The following TAFA4 variants were observed in gnomAD, a reference collection of about 807,000 sequenced individuals.
The protein encoded by TAFA4 is chemokine-like protein TAFA-4.
In TAFA4, 20 loss-of-function variants were observed where a neutral mutation model predicts 21.1. That is an observed-to-expected ratio of 0.95 (90% CI 0.67 to 1.38). The LOEUF (loss-of-function observed/expected upper bound fraction) is 1.38, where lower values mean the gene tolerates loss of function less well. Ranked by LOEUF, TAFA4 falls within the 40% of genes most tolerant of loss-of-function variation. The pLI, the probability that TAFA4 is intolerant of heterozygous loss-of-function variation, is 0.00. For missense variants in TAFA4, 211 were observed against 180.9 expected, an observed-to-expected ratio of 1.17 and a Z score of -0.95; for synonymous variants, 71 against 67.4, an observed-to-expected ratio of 1.05 and a Z score of -0.26.
chr3:68,793,029 C>A (rs982272395), intron 3 of TAFA4, among the ~76,000 whole-genome samples: 5 of 152,086 alleles, frequency 3.3e-5, no homozygotes, highest in African/African-American at 1.2e-4. Flanking sequence ...CTCTTAATGG[C>A]AGGATTACAT....
At chr3:68,744,944 A>G (rs943818837) in intron 4 of TAFA4, among the ~76,000 whole-genome samples, 12 of 152,196 alleles carry the variant, frequency 7.9e-5, no homozygotes, top group Non-Finnish European at 7.3e-5. Flanking sequence ...GCAAATATAT[A>G]TATTTTCCCA....
chr3:68,750,349 G>A (rs1163919402), intron 4 of TAFA4, among the ~76,000 whole-genome samples: 1 of 152,154 alleles, frequency 6.6e-6, no homozygotes, highest in Non-Finnish European at 1.5e-5. Context: ...ATCCATACAT[G>A]GAATGCTATG....
chr3:68,858,385 G>A (rs192702209), intron 3 of TAFA4, among the ~76,000 whole-genome samples: 1 of 151,222 alleles, frequency 6.6e-6, no homozygotes, highest in Non-Finnish European at 1.5e-5. Flanking sequence ...CACCGTTAAC[G>A]CAGTGTACCT....
At chr3:68,785,465 G>A (rs35740552) in intron 3 of TAFA4, among the ~76,000 whole-genome samples, 4,350 of 152,326 alleles carry the variant, frequency 0.029, 261 homozygotes, top group East Asian at 0.25. Flanking sequence ...TGCCCCGCGC[G>A]GGAAGGCAGC....
chr3:68,849,790 T>G (rs1704899687), intron 3 of TAFA4, among the ~76,000 whole-genome samples: 1 of 152,306 alleles, frequency 6.6e-6, no homozygotes, highest in African/African-American at 2.4e-5. Context: ...ACATTGTATC[T>G]TACTCAGTTT....
intron 3 of TAFA4, among the ~76,000 whole-genome samples, chr3:68,780,321 A>G (rs1390712231): frequency 6.6e-6 from 1 of 152,194 alleles, no homozygotes; most frequent in Non-Finnish European, 1.5e-5. Flanking sequence ...GACTATTGGG[A>G]AGGCATGATT....
At chr3:68,906,334 T>G (rs1305900883) in intron 1 of TAFA4, among the ~76,000 whole-genome samples, 2 of 152,238 alleles carry the variant, frequency 1.3e-5, no homozygotes, top group African/African-American at 4.8e-5. Context: ...TGCTTTTTAC[T>G]TTCAATTATT....
chr3:68,762,959 A>G (rs145467377), intron 3 of TAFA4, among the ~76,000 whole-genome samples: 2 of 152,296 alleles, frequency 1.3e-5, no homozygotes, highest in African/African-American at 2.4e-5. Context: ...AGTCACTTCA[A>G]CCCAGGAGGT....
intron 3 of TAFA4, among the ~76,000 whole-genome samples, chr3:68,787,437 CAT>C (rs1703281125): frequency 6.6e-6 from 1 of 152,188 alleles, no homozygotes; most frequent in Non-Finnish European, 1.5e-5. Flanking sequence ...AGATAACAAT[CAT>C]AATTATATCA....
At chr3:68,746,003 ATC>A (rs1702449813) in intron 4 of TAFA4, among the ~76,000 whole-genome samples, 1 of 152,172 alleles carries the variant, frequency 6.6e-6, no homozygotes, top group Non-Finnish European at 1.5e-5. Context: ...GGTGGGCACT[ATC>A]TAATCACCTG....
chr3:68,858,550 G>A (rs538617735), intron 3 of TAFA4, among the ~76,000 whole-genome samples: 9 of 151,018 alleles, frequency 6.0e-5, no homozygotes, highest in African/African-American at 2.2e-4. Context: ...TGACAGGTTA[G>A]CATGTACTAG....
At position 68,910,644 on chromosome 3, in the gene TAFA4, C is replaced by T. The variant is rs542345107; in HGVS notation, c.-123+21596G>A. Among the ~76,000 whole-genome samples, 4 of 152,216 alleles carry T rather than the reference C, an allele frequency of 2.6e-5. No individual in the cohort carries two copies. The East Asian group carries it at 7.7e-4, about 29-fold the overall frequency. On this transcript the variant is annotated intron_variant, in intron 1 of 5. Coordinates refer to ENST00000295569, the MANE Select transcript of TAFA4 (RefSeq NM_182522.5). ...TTCATTTATTCAACAAATTTGAATG[C>T]CCAGACTTCTGCACGTAGACATTCC...
At chr3:68,882,453 C>G (rs2089629472) in intron 2 of TAFA4, among the ~76,000 whole-genome samples, 1 of 152,146 alleles carries the variant, frequency 6.6e-6, no homozygotes, top group Non-Finnish European at 1.5e-5. Context: ...ATGGGAGTAA[C>G]AGGCTGCCGT....
At position 68,896,823 on chromosome 3, in the gene TAFA4, GAACT is replaced by G. The variant is rs2089794561; in HGVS notation, c.-122-11517_-122-11514del. On this transcript the variant is annotated intron_variant, in intron 1 of 5. Coordinates refer to ENST00000295569, the MANE Select transcript of TAFA4 (RefSeq NM_182522.5). Reference sequence around the variant, plus strand: ...AACTACCATATGGGAGAAAACTACCGAACTAACTATAAGGTCCAAGTTTCAACAA... The same window carrying G: ...AACTACCATATGGGAGAAAACTACCGAACTATAAGGTCCAAGTTTCAACAA... Among the ~76,000 whole-genome samples the G allele has an allele frequency of 2.0e-5, 3 of 152,338 alleles. No homozygotes were observed. The South Asian group carries it at 6.2e-4, about 32-fold the overall frequency.
chr3:68,772,009 T>A (rs909390653), intron 3 of TAFA4, among the ~76,000 whole-genome samples: 1 of 151,278 alleles, frequency 6.6e-6, no homozygotes, highest in African/African-American at 2.4e-5. Context: ...AAAATAAGTA[T>A]AAAAGGGAGG....
intron 3 of TAFA4, among the ~76,000 whole-genome samples, chr3:68,824,456 T>A (rs1704182220): frequency 1.0e-5 from 1 of 99,242 alleles, no homozygotes; most frequent in Non-Finnish European, 2.1e-5. Context: ...TCATATCTCC[T>A]CTCTGATTCC....
At chr3:68,739,725 C>G (rs913807093) in intron 4 of TAFA4, among the ~76,000 whole-genome samples, 4 of 152,120 alleles carry the variant, frequency 2.6e-5, no homozygotes, top group African/African-American at 9.7e-5. Flanking sequence ...TTTTACAGCA[C>G]CATGGATGGA....
chr3:68,792,954 T>C (rs1417700507), intron 3 of TAFA4, among the ~76,000 whole-genome samples: 2 of 152,172 alleles, frequency 1.3e-5, no homozygotes, highest in Admixed American at 6.6e-5. Context: ...AAAAGCCTTC[T>C]TATTCTCTTC....
At chr3:68,791,473 G>A (rs1703359955) in intron 3 of TAFA4, among the ~76,000 whole-genome samples, 2 of 152,128 alleles carry the variant, frequency 1.3e-5, no homozygotes, top group African/African-American at 4.8e-5. Flanking sequence ...CCAACACCCT[G>A]ATTTTAGACT....
Sources: allele counts gnomAD v4.1 joint callset (sites outside exome capture counted in the v4.1 genomes callset), GRCh38; gene constraint gnomAD v4.1.1; transcripts MANE v1.5; gene names NCBI Gene and HGNC (gene_info 2026-07-23, HGNC 2026-07-21).